ERG: variants seen among roughly 807,000 people sequenced by gnomAD.
The protein encoded by ERG is ETS transcription factor ERG.
Under a neutral mutation model 55.3 loss-of-function variants are expected in ERG, and 9 were observed. That is an observed-to-expected ratio of 0.16 (90% CI 0.10 to 0.28). The LOEUF is 0.28. Among genes scored for constraint, ERG ranks in the 10% least tolerant of loss-of-function variants. The pLI, the probability that ERG is intolerant of heterozygous loss-of-function variation, is 1.00. For synonymous variants in ERG, 223 were observed against 237.3 expected, an observed-to-expected ratio of 0.94 and a Z score of 0.55; for missense variants, 434 against 631.6, an observed-to-expected ratio of 0.69 and a Z score of 3.35.
intron 6 of ERG, among the ~76,000 whole-genome samples, chr21:38,394,645 C>T (rs1044665177): frequency 3.3e-5 from 5 of 152,190 alleles, no homozygotes; most frequent in Non-Finnish European, 7.3e-5. Flanking sequence ...AGCCACCGCG[C>T]CTGGCCTCAG....
chr21:38,601,703 C>A (rs1249683082), intron 1 of ERG, among the ~76,000 whole-genome samples: 1 of 152,148 alleles, frequency 6.6e-6, no homozygotes, highest in Admixed American at 6.5e-5. Flanking sequence ...CATTTCCAGT[C>A]ACTATCTTGA....
At chr21:38,567,598 C>G (rs2059931017) in intron 2 of ERG, among the ~76,000 whole-genome samples, 1 of 152,196 alleles carries the variant, frequency 6.6e-6, no homozygotes, top group Admixed American at 6.5e-5. Flanking sequence ...GGAACTCTGT[C>G]TCTTTTGAGT....
At chr21:38,497,980 A>T (rs543814042) in intron 1 of ERG, among the ~76,000 whole-genome samples, 2 of 152,064 alleles carry the variant, frequency 1.3e-5, no homozygotes, top group East Asian at 3.9e-4. Context: ...ACATTCACAA[A>T]CGCATCTTTT....
At chr21:38,518,500 T>C (rs1352805780) in intron 2 of ERG, among the ~76,000 whole-genome samples, 3 of 152,124 alleles carry the variant, frequency 2.0e-5, no homozygotes, top group African/African-American at 7.2e-5. Context: ...AAGGTGGCAG[T>C]TGATTTTTTT....
intron 1 of ERG, among the ~76,000 whole-genome samples, chr21:38,627,438 T>C (rs948495812): frequency 6.6e-6 from 1 of 152,140 alleles, no homozygotes; most frequent in Non-Finnish European, 1.5e-5. Context: ...TGTGAAATCA[T>C]TATTCAGATA....
intron 3 of ERG, among the ~76,000 whole-genome samples, chr21:38,412,333 G>A (rs1193943249): frequency 6.6e-6 from 1 of 151,594 alleles, no homozygotes; most frequent in Non-Finnish European, 1.5e-5. Flanking sequence ...TATTGGTTTT[G>A]CTCTTTGACA....
chr21:38,481,623 T>C (rs373876409), intron 1 of ERG, among the ~76,000 whole-genome samples: 11 of 152,218 alleles, frequency 7.2e-5, no homozygotes, highest in African/African-American at 2.4e-4. Context: ...ATCTTGAAAC[T>C]GAATACAAAA....
At chr21:38,427,316 C>A (rs557349930) in intron 2 of ERG, among the ~76,000 whole-genome samples, 2 of 152,222 alleles carry the variant, frequency 1.3e-5, no homozygotes, top group Admixed American at 1.3e-4. Flanking sequence ...CTAAGGTGAT[C>A]CTTCTGCCTT....
chr21:38,394,095 C>G lies in ERG; in HGVS notation c.746-1651G>C, dbSNP rs187490876. On this transcript the variant is annotated intron_variant, in intron 6 of 9. Coordinates refer to ENST00000288319, the MANE Select transcript of ERG (RefSeq NM_182918.4). ...GCCAGAGTTTCAATTTGCAAATTGT[C>G]TCAGAAAGAAAAACCTACTCACAAG... Among the ~76,000 whole-genome samples, 177 of 152,238 alleles carry G rather than the reference C, an allele frequency of 1.2e-3. 1 individual carries two copies. Among genetic ancestry groups the G allele is most frequent in the African/African-American group, 3.9e-3 (164 of 41,542 alleles).
At chr21:38,480,430 G>A (rs893456100) in intron 1 of ERG, among the ~76,000 whole-genome samples, 4 of 151,968 alleles carry the variant, frequency 2.6e-5, no homozygotes, top group Admixed American at 6.6e-5. Flanking sequence ...CCAACACCTC[G>A]ATTTTGGATT....
chr21:38,595,219 G>A (rs1210873613), intron 1 of ERG, among the ~76,000 whole-genome samples: 1 of 152,178 alleles, frequency 6.6e-6, no homozygotes, highest in East Asian at 1.9e-4. Flanking sequence ...CAAAGAGGCT[G>A]TTGGGAAGAT....
intron 2 of ERG, among the ~76,000 whole-genome samples, chr21:38,520,041 C>A (rs75542347): frequency 6.6e-6 from 1 of 151,864 alleles, no homozygotes; most frequent in Non-Finnish European, 1.5e-5. Context: ...ACAACAAAAA[C>A]AAAAAAAACT....
chr21:38,491,206 TAAA>T (rs113260996), intron 1 of ERG, among the ~76,000 whole-genome samples: 9 of 124,244 alleles, frequency 7.2e-5, no homozygotes, highest in Non-Finnish European at 1.2e-4. Context: ...CTGTCAAAAT[TAAA>T]AAAAAAAAAA....
intron 1 of ERG, among the ~76,000 whole-genome samples, chr21:38,653,374 T>C (rs1271366468): frequency 6.6e-6 from 1 of 152,184 alleles, no homozygotes; most frequent in Non-Finnish European, 1.5e-5. Context: ...CCTCTGTGGA[T>C]GGAGTCCTGT....
chr21:38,390,234 T>C (rs1464136107), intron 9 of ERG, among the ~76,000 whole-genome samples: 1 of 152,246 alleles, frequency 6.6e-6, no homozygotes, highest in East Asian at 1.9e-4. Flanking sequence ...ACAAATGGGC[T>C]AATTAAGAAT....
chr21:38,486,894 C>A (rs2059290372), intron 1 of ERG, among the ~76,000 whole-genome samples: 1 of 152,070 alleles, frequency 6.6e-6, no homozygotes, highest in South Asian at 2.1e-4. Flanking sequence ...CTGTTCAAAG[C>A]ACATACAAGT....
chr21:38,649,161 T>C (rs1359700543), intron 1 of ERG, among the ~76,000 whole-genome samples: 1 of 152,166 alleles, frequency 6.6e-6, no homozygotes, highest in Admixed American at 6.5e-5. Flanking sequence ...ATTTCAGCCA[T>C]TTCGCACCCG....
intron 7 of ERG, among the ~76,000 whole-genome samples, chr21:38,392,074 C>A (rs1372120046): frequency 6.6e-6 from 1 of 152,116 alleles, no homozygotes. Flanking sequence ...TACTTTTAAG[C>A]ATGGCCAAGA....
At chr21:38,444,126 G>A (rs1319335214) in intron 2 of ERG, among the ~76,000 whole-genome samples, 7 of 152,130 alleles carry the variant, frequency 4.6e-5, no homozygotes, top group South Asian at 2.1e-4. Context: ...TGACGCAACC[G>A]TTTCCAGACT....
Sources: allele counts gnomAD v4.1 joint callset (sites outside exome capture counted in the v4.1 genomes callset), GRCh38; gene constraint gnomAD v4.1.1; transcripts MANE v1.5; gene names NCBI Gene and HGNC (gene_info 2026-07-23, HGNC 2026-07-21).